IRAK2: variants seen among roughly 807,000 people sequenced by gnomAD.
IRAK2 encodes interleukin-1 receptor-associated kinase-like 2.
In IRAK2, 57 loss-of-function variants were observed where a neutral mutation model predicts 72.0. The observed-to-expected ratio is 0.79, with a 90% CI of 0.64 to 0.99. The LOEUF (loss-of-function observed/expected upper bound fraction) is 0.99, where lower values mean the gene tolerates loss of function less well. IRAK2 is among the 50% of genes least tolerant of loss of function. The pLI is 0.00. For synonymous variants in IRAK2, 293 were observed against 312.7 expected (o/e 0.94, Z 0.67); for missense variants, 790 against 794.4 (o/e 0.99, Z 0.07).
chr3:10,222,611 G>A (rs1054424944), intron 8 of IRAK2, 25 bp from the exon 9 acceptor site: 2 of 1,600,786 alleles, frequency 1.2e-6, no homozygotes, highest in Non-Finnish European at 1.7e-6. Flanking sequence ...AAATGAGAAG[G>A]TTCCCTCTCC....
At chr3:10,188,988 G>A (rs931271691) in intron 2 of IRAK2, among the ~76,000 whole-genome samples, 1 of 152,242 alleles carries the variant, frequency 6.6e-6, no homozygotes. Flanking sequence ...AGTGCCTACT[G>A]TGCGCTAGAT....
intron 9 of IRAK2, 82 bp downstream of exon 9, chr3:10,222,913 T>C: frequency 3.2e-6 from 4 of 1,260,212 alleles, no homozygotes; most frequent in Non-Finnish European, 4.6e-6. Context: ...CAGGATACGG[T>C]AGAGGCACAC....
At chr3:10,208,197 G>A (rs573117793) in intron 3 of IRAK2, among the ~76,000 whole-genome samples, 156 of 151,992 alleles carry the variant, frequency 1.0e-3, no homozygotes, top group African/African-American at 3.4e-3. Context: ...TTGGAAAAGT[G>A]ACTTAACTTC....
intron 10 of IRAK2, 42 bp downstream of exon 10, chr3:10,226,475 C>G: frequency 1.3e-6 from 2 of 1,530,162 alleles, no homozygotes; most frequent in Non-Finnish European, 1.8e-6. Context: ...TATATTTGGG[C>G]CTCACAGCTC....
At chr3:10,237,663 C>T (rs1284913514) in intron 11 of IRAK2, among the ~76,000 whole-genome samples, 4 of 151,682 alleles carry the variant, frequency 2.6e-5, no homozygotes, top group Non-Finnish European at 4.4e-5. Flanking sequence ...AAAAATTAGC[C>T]AGGCGCGGTG....
rs77028002 is a variant in IRAK2 at position 10,196,873 on chromosome 3, G to C, written c.278-3496G>C. 3.4e-3 allele frequency among the ~76,000 whole-genome samples: 521 copies of C among 152,252 alleles called. 11 individuals are homozygous for C. The South Asian group carries it at 0.045, about 13-fold the overall frequency. The stretch of plus-strand genomic sequence containing the variant: ...GTGAGGTGGATCTGAATCTCATGAA[G>C]GGCTGATTCATCGTCTGCTCACTGG... On this transcript the variant is annotated intron_variant, in intron 2 of 12. Transcript: ENST00000256458.
chr3:10,198,385 TTGTC>T (rs1304573248), intron 2 of IRAK2, among the ~76,000 whole-genome samples: 4 of 152,148 alleles, frequency 2.6e-5, no homozygotes, highest in Non-Finnish European at 5.9e-5. Context: ...TTGTTCCTGT[TTGTC>T]TGGGGATTGG....
At chr3:10,233,285 C>G (rs888717398) in intron 10 of IRAK2, among the ~76,000 whole-genome samples, 1 of 152,078 alleles carries the variant, frequency 6.6e-6, no homozygotes, top group Non-Finnish European at 1.5e-5. Flanking sequence ...CTCCTGACCT[C>G]GAGTGATCTG....
intron 1 of IRAK2, among the ~76,000 whole-genome samples, chr3:10,165,448 T>G (rs1272147075): frequency 2.0e-5 from 3 of 152,034 alleles, no homozygotes; most frequent in East Asian, 1.9e-4. Flanking sequence ...TGTGTGTGTG[T>G]GTGTGGTGTG....
intron 11 of IRAK2, among the ~76,000 whole-genome samples, chr3:10,234,929 C>G (rs973185125): frequency 6.6e-6 from 1 of 152,248 alleles, no homozygotes; most frequent in African/African-American, 2.4e-5. Flanking sequence ...GCTTTATTCC[C>G]CCTTCTCTAT....
rs771089899 is a variant in IRAK2, at chr3:10,174,932, C to CAAAAAA, written c.95-2900_95-2895dup. The stretch of plus-strand genomic sequence containing the variant: ...CAGGCACAGTGGTTCATGCCTGTAC[C>CAAAAAA]AAAAAAAAAAATTAGCCAGGAATGG... On this transcript the variant is annotated intron_variant, in intron 1 of 12. Transcript: ENST00000256458. 7.2e-3 allele frequency among the ~76,000 whole-genome samples: 1,026 copies of CAAAAAA among 143,230 alleles called. 15 individuals are homozygous for CAAAAAA. The highest frequency in any genetic ancestry group is 6.9e-3 in the Middle Eastern group (2 of 288). The allele number at this position is 143,230 out of a possible 152,430, so 94.0% of individuals were successfully genotyped here. A position where few individuals can be genotyped will look rare whatever the true frequency, so the allele number is the denominator to read the frequency against.
chr3:10,203,222 C>G (rs754038674), intron 3 of IRAK2, among the ~76,000 whole-genome samples: 2 of 152,036 alleles, frequency 1.3e-5, no homozygotes, highest in Non-Finnish European at 2.9e-5. Flanking sequence ...GTCTTGAACT[C>G]CTGGGCTCAA....
At chr3:10,225,028 T>C (rs1697753356) in intron 9 of IRAK2, among the ~76,000 whole-genome samples, 2 of 151,982 alleles carry the variant, frequency 1.3e-5, no homozygotes, top group Admixed American at 1.3e-4. Context: ...TGTCCCTTCC[T>C]GGCAGGGACC....
intron 6 of IRAK2, among the ~76,000 whole-genome samples, chr3:10,215,338 G>A (rs1332066594): frequency 7.0e-6 from 1 of 142,176 alleles, no homozygotes; most frequent in Non-Finnish European, 1.5e-5. Context: ...AGGTTGCAGT[G>A]AGCCCAGATC....
At position 10,227,251 on chromosome 3, in the gene IRAK2, C is replaced by G. The variant is rs905660179; in HGVS notation, c.1272+818C>G. On this transcript the variant is annotated intron_variant, in intron 10 of 12. Transcript: ENST00000256458. ...TCACTTGAGGCTGGGAGTTCGAGAC[C>G]AGCCTGGGCAACATGGCGAAACCCT... Among the ~76,000 whole-genome samples, 11 of 152,050 alleles carry G rather than the reference C, an allele frequency of 7.2e-5. 1 individual carries two copies. The highest frequency in any genetic ancestry group is 6.6e-4 in the Admixed American group (10 of 15,242).
intron 3 of IRAK2, among the ~76,000 whole-genome samples, chr3:10,203,945 G>A (rs1559446540): frequency 6.6e-6 from 1 of 152,212 alleles, no homozygotes; most frequent in East Asian, 1.9e-4. Flanking sequence ...TGTGAGCAGA[G>A]GAGCCATGGA....
At chr3:10,217,142 G>A in intron 7 of IRAK2, 94 bp downstream of exon 7, 2 of 859,204 alleles carry the variant, frequency 2.3e-6, no homozygotes, top group East Asian at 4.9e-5. Context: ...GAGGGGAGAG[G>A]GGCCATCTAG....
intron 2 of IRAK2, among the ~76,000 whole-genome samples, chr3:10,195,075 A>G (rs1243460355): frequency 6.6e-6 from 1 of 152,230 alleles, no homozygotes; most frequent in Non-Finnish European, 1.5e-5. Context: ...ATGTCACTGC[A>G]GAAGGAACAA....
intron 2 of IRAK2, among the ~76,000 whole-genome samples, chr3:10,190,218 C>T (rs1311232080): frequency 6.8e-6 from 1 of 146,624 alleles, no homozygotes; most frequent in Non-Finnish European, 1.5e-5. Context: ...ATTGCCCTAT[C>T]TACTTTTCTT....
Sources: gnomAD v4.1 joint callset for allele counts (sites outside exome capture counted in the v4.1 genomes callset) on GRCh38, gnomAD v4.1.1 for gene constraint, MANE v1.5 for transcripts, NCBI Gene and HGNC (gene_info 2026-07-23, HGNC 2026-07-21) for gene names.